Variants in TBC1D19 observed in about 807,000 individuals in gnomAD.
The protein encoded by TBC1D19 is TBC1 domain family, member 19.
Under a neutral mutation model 89.0 loss-of-function variants are expected in TBC1D19, and 60 were observed. The ratio of observed to expected loss-of-function variants is 0.67; its 90% CI spans 0.55 to 0.84. The LOEUF is 0.84. Ranked by LOEUF, TBC1D19 falls within the 40% of genes least tolerant of loss-of-function variation. The pLI, the probability that TBC1D19 is intolerant of heterozygous loss-of-function variation, is 0.00. For synonymous variants in TBC1D19, 189 were observed against 199.7 expected (o/e 0.95, Z 0.45); for missense variants, 500 against 610.8 (o/e 0.82, Z 1.91).
upstream of TBC1D19, among the ~76,000 whole-genome samples, chr4:26,581,816 T>C (rs1165172826): frequency 2.0e-5 from 3 of 152,358 alleles, no homozygotes; most frequent in African/African-American, 7.2e-5. Flanking sequence ...CTTATCTTTG[T>C]ATTCCTTGCC....
the TBC1D19 span, among the ~76,000 whole-genome samples, chr4:26,791,556 T>C: frequency 2.0e-5 from 3 of 152,104 alleles, no homozygotes; most frequent in Non-Finnish European, 2.9e-5. Context: ...AGGAGACCAG[T>C]TGGGAGCCCA....
At chr4:26,594,980 C>T (rs181105796) in intron 1 of TBC1D19, among the ~76,000 whole-genome samples, 8 of 152,146 alleles carry the variant, frequency 5.3e-5, no homozygotes, top group Admixed American at 6.5e-5. Flanking sequence ...TGATAGATTG[C>T]GTGGTAAGAG....
At chr4:26,790,312 A>G in the TBC1D19 span, among the ~76,000 whole-genome samples, 3 of 152,154 alleles carry the variant, frequency 2.0e-5, no homozygotes, top group Admixed American at 2.0e-4. Context: ...CCTCTCAATC[A>G]CCATGTGGAA....
chr4:26,770,679 G>A, the TBC1D19 span, among the ~76,000 whole-genome samples: 1 of 151,986 alleles, frequency 6.6e-6, no homozygotes, highest in Non-Finnish European at 1.5e-5. Flanking sequence ...CTCAAGTGCA[G>A]ACAGAACTTC....
chr4:26,599,084 T>C (rs1740429517), intron 1 of TBC1D19, among the ~76,000 whole-genome samples: 1 of 152,012 alleles, frequency 6.6e-6, no homozygotes, highest in Non-Finnish European at 1.5e-5. Flanking sequence ...ATTTGTAAAA[T>C]CAATGTAGAT....
the TBC1D19 span, among the ~76,000 whole-genome samples, chr4:26,805,852 T>C: frequency 3.9e-5 from 6 of 152,036 alleles, no homozygotes; most frequent in Non-Finnish European, 7.4e-5. Flanking sequence ...AAAAATTAAA[T>C]TAGCCAGGAG....
chr4:26,621,620 T>A (rs1301904970), intron 4 of TBC1D19, among the ~76,000 whole-genome samples: 2 of 152,108 alleles, frequency 1.3e-5, no homozygotes, highest in Non-Finnish European at 2.9e-5. Context: ...CGACTTTTAT[T>A]TTTATTTAAA....
chr4:26,683,170 C>A (rs189190492), intron 11 of TBC1D19, among the ~76,000 whole-genome samples: 1 of 152,196 alleles, frequency 6.6e-6, no homozygotes, highest in Non-Finnish European at 1.5e-5. Context: ...ATTAGAAAGG[C>A]AGTATAAAGT....
At chr4:26,851,520 G>A in the TBC1D19 span, among the ~76,000 whole-genome samples, 1 of 152,226 alleles carries the variant, frequency 6.6e-6, no homozygotes, top group East Asian at 1.9e-4. Flanking sequence ...ACTGTGAAAT[G>A]ATCTCCTTAA....
intron 9 of TBC1D19, 125 bp downstream of exon 9, chr4:26,666,530 C>T (rs187293163): frequency 1.6e-4 from 107 of 658,840 alleles, no homozygotes; most frequent in African/African-American, 1.3e-3. Flanking sequence ...TTTTGCCTCT[C>T]CTTGGTTACT....
At chr4:26,588,205 T>C (rs1422450983) in intron 1 of TBC1D19, among the ~76,000 whole-genome samples, 2 of 152,000 alleles carry the variant, frequency 1.3e-5, no homozygotes, top group African/African-American at 4.8e-5. Context: ...TTTTGTATTT[T>C]TAGTAGAGAC....
intron 1 of TBC1D19, chr4:26,584,923 G>T: frequency 5.2e-6 from 1 of 192,732 alleles, no homozygotes; most frequent in Non-Finnish European, 1.1e-5. Context: ...CTGCTTTCTG[G>T]CATTAACACA....
chr4:26,756,361 C>T (rs558009040), downstream of TBC1D19, among the ~76,000 whole-genome samples: 256 of 152,206 alleles, frequency 1.7e-3, no homozygotes, highest in African/African-American at 5.9e-3. Context: ...TAAATGATCT[C>T]GTTCACATGC....
At chr4:26,661,574 G>C (rs1213753299) in intron 8 of TBC1D19, among the ~76,000 whole-genome samples, 4 of 152,032 alleles carry the variant, frequency 2.6e-5, no homozygotes, top group Non-Finnish European at 5.9e-5. Flanking sequence ...GAGAGGCAGA[G>C]ACCAAACTAA....
At chr4:26,806,538 T>C in the TBC1D19 span, among the ~76,000 whole-genome samples, 1 of 152,216 alleles carries the variant, frequency 6.6e-6, no homozygotes, top group Non-Finnish European at 1.5e-5. Flanking sequence ...TGTGGGGTCT[T>C]ACTCATCTTC....
intron 15 of TBC1D19, among the ~76,000 whole-genome samples, chr4:26,733,978 T>A (rs10014273): frequency 0.96 from 146,116 of 152,304 alleles, 70,299 homozygotes; most frequent in Non-Finnish European, 1. Flanking sequence ...CTCAGGAAAA[T>A]TTGAAGAAAT....
the TBC1D19 span, among the ~76,000 whole-genome samples, chr4:26,807,487 A>G: frequency 6.6e-6 from 1 of 152,158 alleles, no homozygotes; most frequent in East Asian, 1.9e-4. Flanking sequence ...AATGGTGGTT[A>G]TTTATATAGA....
At chr4:26,804,432 C>T in the TBC1D19 span, among the ~76,000 whole-genome samples, 1 of 152,252 alleles carries the variant, frequency 6.6e-6, no homozygotes, top group Admixed American at 6.5e-5. Context: ...AGGCGTGAGC[C>T]ACACGTGCGC....
intron 11 of TBC1D19, among the ~76,000 whole-genome samples, chr4:26,678,982 A>C (rs1213873406): frequency 1.3e-5 from 2 of 152,186 alleles, no homozygotes; most frequent in African/African-American, 2.4e-5. Context: ...AGAAATTTCT[A>C]AGCAGCAAAG....
Sources: allele counts gnomAD v4.1 joint callset (sites outside exome capture counted in the v4.1 genomes callset), GRCh38; gene constraint gnomAD v4.1.1; transcripts MANE v1.5; gene names NCBI Gene and HGNC (gene_info 2026-07-23, HGNC 2026-07-21).